The following C12orf42 variants were observed in gnomAD, a reference collection of about 807,000 sequenced individuals.
C12orf42 encodes the protein chromosome 12 open reading frame 42.
A neutral mutation model predicts 21.6 loss-of-function variants in C12orf42; 25 were observed. The observed-to-expected ratio is 1.16, with a 90% confidence interval of 0.84 to 1.62. C12orf42 has a LOEUF of 1.62. Ranked by LOEUF, C12orf42 falls within the 40% of genes most tolerant of loss-of-function variation. C12orf42 has a pLI of 0.00. For synonymous variants in C12orf42, 174 were observed against 175.0 expected (o/e 0.99, Z 0.05); for missense variants, 483 against 459.3 (o/e 1.05, Z -0.47).
chr12:103,052,386 G>A, the C12orf42 span, among the ~76,000 whole-genome samples: 1 of 152,220 alleles, frequency 6.6e-6, no homozygotes, highest in Admixed American at 6.5e-5. Flanking sequence ...CATTCTAAAG[G>A]AAGTATAGTG....
chr12:103,095,069 C>T, the C12orf42 span, among the ~76,000 whole-genome samples: 8 of 152,172 alleles, frequency 5.3e-5, no homozygotes, highest in East Asian at 1.9e-4. Flanking sequence ...ATCCCGCCAG[C>T]GTTTCTTACC....
At chr12:103,095,901 C>T in the C12orf42 span, among the ~76,000 whole-genome samples, 1 of 152,292 alleles carries the variant, frequency 6.6e-6, no homozygotes. Context: ...GTGAAAATTA[C>T]ACATTTGACC....
At chr12:103,399,096 A>AT (rs1331121432) in intron 3 of C12orf42, among the ~76,000 whole-genome samples, 1 of 151,882 alleles carries the variant, frequency 6.6e-6, no homozygotes, top group Non-Finnish European at 1.5e-5. Context: ...ATGTCCTATG[A>AT]TTTTTTAAAT....
intron 2 of C12orf42, among the ~76,000 whole-genome samples, chr12:103,467,367 C>T (rs1953226007): frequency 6.6e-6 from 1 of 151,924 alleles, no homozygotes; most frequent in Admixed American, 6.6e-5. Context: ...CTCCAGAGAC[C>T]CCTGTTGAAA....
At chr12:103,225,075 C>T in the C12orf42 span, among the ~76,000 whole-genome samples, 1,863 of 151,952 alleles carry the variant, frequency 0.012, 19 homozygotes, top group Non-Finnish European at 0.014. Flanking sequence ...ATTTGCTGAG[C>T]CTAATGGGTG....
intron 1 of C12orf42, among the ~76,000 whole-genome samples, chr12:103,491,463 G>A (rs988083369): frequency 6.6e-6 from 1 of 152,284 alleles, no homozygotes; most frequent in East Asian, 1.9e-4. Flanking sequence ...CTTGCCTCAA[G>A]AGATAATTGG....
chr12:103,096,524 C>T, the C12orf42 span, among the ~76,000 whole-genome samples: 10 of 152,224 alleles, frequency 6.6e-5, no homozygotes, highest in East Asian at 3.9e-4. Flanking sequence ...GACTTACTAA[C>T]GTATGATTTT....
At chr12:103,225,342 T>C in the C12orf42 span, among the ~76,000 whole-genome samples, 1 of 152,170 alleles carries the variant, frequency 6.6e-6, no homozygotes, top group Non-Finnish European at 1.5e-5. Context: ...AAGGAGAGTT[T>C]ATAGGCTTTA....
the C12orf42 span, among the ~76,000 whole-genome samples, chr12:103,078,087 A>G: frequency 6.6e-6 from 1 of 152,196 alleles, no homozygotes; most frequent in Admixed American, 6.5e-5. Context: ...ACTTTACCCA[A>G]TTATCTGACA....
chr12:103,103,982 T>G, the C12orf42 span, among the ~76,000 whole-genome samples: 1 of 152,188 alleles, frequency 6.6e-6, no homozygotes, highest in African/African-American at 2.4e-5. Flanking sequence ...ATTTATTATG[T>G]GGCTACTATA....
intron 2 of C12orf42, among the ~76,000 whole-genome samples, chr12:103,464,746 G>A (rs1422863190): frequency 6.6e-6 from 1 of 152,116 alleles, no homozygotes; most frequent in African/African-American, 2.4e-5. Context: ...TTTTGTACAA[G>A]GCGTAAGGAA....
the C12orf42 span, among the ~76,000 whole-genome samples, chr12:103,208,333 C>T: frequency 6.6e-6 from 1 of 152,126 alleles, no homozygotes; most frequent in African/African-American, 2.4e-5. Context: ...CCCCACACGG[C>T]CCCCCTTTAG....
At chr12:103,125,801 A>G in the C12orf42 span, among the ~76,000 whole-genome samples, 11 of 152,348 alleles carry the variant, frequency 7.2e-5, no homozygotes, top group Admixed American at 5.9e-4. Context: ...TGAGGAGACT[A>G]GCACCCTCAC....
At chr12:103,529,341 T>G in the C12orf42 span, among the ~76,000 whole-genome samples, 1 of 152,264 alleles carries the variant, frequency 6.6e-6, no homozygotes, top group Non-Finnish European at 1.5e-5. Flanking sequence ...AAGGTGGATT[T>G]CCTCAGCATG....
the C12orf42 span, among the ~76,000 whole-genome samples, chr12:103,226,825 G>A: frequency 6.6e-6 from 1 of 152,178 alleles, no homozygotes; most frequent in East Asian, 1.9e-4. Context: ...GAGGGGACAG[G>A]CGGGAGGGAA....
the C12orf42 span, among the ~76,000 whole-genome samples, chr12:103,121,889 A>AT: frequency 5.3e-5 from 8 of 152,196 alleles, no homozygotes; most frequent in Non-Finnish European, 1.0e-4. Flanking sequence ...TTTTTTAGAG[A>AT]TTATTCAGGT....
intron 5 of C12orf42, among the ~76,000 whole-genome samples, chr12:103,271,029 A>G (rs1301283526): frequency 6.6e-6 from 1 of 152,140 alleles, no homozygotes; most frequent in South Asian, 2.1e-4. Context: ...TTGCTTTGCC[A>G]GGGGCAAAGC....
intron 10 of C12orf42, among the ~76,000 whole-genome samples, chr12:103,257,195 C>T (rs2034656617): frequency 6.6e-6 from 1 of 152,100 alleles, no homozygotes; most frequent in South Asian, 2.1e-4. Flanking sequence ...ACACTGGAGC[C>T]TTTCAAAGGG....
intron 2 of C12orf42, among the ~76,000 whole-genome samples, chr12:103,437,609 A>G (rs1443883886): frequency 2.0e-5 from 3 of 152,110 alleles, no homozygotes; most frequent in Non-Finnish European, 4.4e-5. Context: ...AACTACCATC[A>G]GAGAATACTA....
Sources: gnomAD v4.1 joint callset for allele counts (sites outside exome capture counted in the v4.1 genomes callset) on GRCh38, gnomAD v4.1.1 for gene constraint, MANE v1.5 for transcripts, NCBI Gene and HGNC (gene_info 2026-07-23, HGNC 2026-07-21) for gene names.